Variants in KCNQ3 observed in about 807,000 individuals in gnomAD.
The protein encoded by KCNQ3 is potassium voltage-gated channel subfamily KQT member 3.
In KCNQ3, 30 loss-of-function variants were observed where a neutral mutation model predicts 92.5. The observed-to-expected ratio is 0.32, with a 90% CI of 0.24 to 0.44. The LOEUF (loss-of-function observed/expected upper bound fraction) is 0.44, where lower values mean the gene tolerates loss of function less well. Ranked by LOEUF, KCNQ3 falls within the 20% of genes least tolerant of loss-of-function variation. The probability of loss-of-function intolerance (pLI) is 1.00; values close to 1 mark genes in which losing one functional copy is unlikely to be tolerated. For missense variants in KCNQ3, 913 were observed against 1,140.3 expected (o/e 0.80, Z 2.87); for synonymous variants, 450 against 468.8 (o/e 0.96, Z 0.52).
intron 9 of KCNQ3, among the ~76,000 whole-genome samples, chr8:132,154,208 T>TTTTTTTTTTTTG (rs1825734348): frequency 2.8e-5 from 4 of 142,240 alleles, no homozygotes; most frequent in African/African-American, 8.0e-5. Flanking sequence ...TTTTTTTTTT[T>TTTTTTTTTTTTG]TTTTTTTTTT....
intron 1 of KCNQ3, among the ~76,000 whole-genome samples, chr8:132,296,548 C>G (rs1817030010): frequency 6.6e-6 from 1 of 151,806 alleles, no homozygotes; most frequent in Non-Finnish European, 1.5e-5. Flanking sequence ...ACTCCCCCCA[C>G]CCCACAACAG....
At chr8:132,143,467 C>T (rs1461426293) in intron 9 of KCNQ3, among the ~76,000 whole-genome samples, 1 of 152,176 alleles carries the variant, frequency 6.6e-6, no homozygotes, top group Non-Finnish European at 1.5e-5. Context: ...GCACATTTCC[C>T]TGCTCAGAAC....
chr8:132,172,837 G>A lies in KCNQ3; in HGVS notation c.1045-144C>T, dbSNP rs193057578. 890 of 695,068 alleles carry A rather than the reference G, an allele frequency of 1.3e-3. 6 individuals carry two copies. In the African/African-American group the frequency reaches 0.013, roughly 10 times the overall value. 43.1% of individuals were successfully genotyped at this position (695,068 alleles called of 1,614,324 possible). ...AACACTGTACAAAGAAGGGAAGGGG[G>A]AAAGAGCCCTTCCTTCTCTTGAAGA... On this transcript the variant is annotated intron_variant, in intron 6 of 14. Transcript: ENST00000388996.
intron 14 of KCNQ3, 109 bp from the exon 15 acceptor site, chr8:132,130,105 C>G: frequency 8.5e-7 from 1 of 1,172,360 alleles, no homozygotes; most frequent in African/African-American, 1.9e-5. Flanking sequence ...TTTTTTGAGA[C>G]GAAGTCTCAG....
chr8:132,179,063 T>C (rs1826663263), intron 4 of KCNQ3, among the ~76,000 whole-genome samples: 2 of 149,126 alleles, frequency 1.3e-5, no homozygotes, highest in African/African-American at 5.0e-5. Context: ...AGAACATCCA[T>C]CCCAGGGATT....
chr8:132,129,169 T>G lies in KCNQ3; in HGVS notation c.*93A>C. On this transcript the variant is annotated 3_prime_UTR_variant, in exon 15 of 15. Transcript: ENST00000388996. This position sits in a 1 kb window ranked among gnomAD's most constrained non-coding sequence, Gnocchi z 5.9. Reference sequence around the variant, plus strand: ...CACACGCATGCATTTGATGCAGCCATTGGTGTCCCCGCTGGTAAGCGTCGG... The same window carrying G: ...CACACGCATGCATTTGATGCAGCCAGTGGTGTCCCCGCTGGTAAGCGTCGG... 3.4e-6 allele frequency: 5 copies of G among 1,463,126 alleles called. No individual in the cohort carries two copies. Among genetic ancestry groups the G allele is most frequent in the Non-Finnish European group, 4.7e-6 (5 of 1,068,358 alleles). The allele number at this position is 1,463,126 out of a possible 1,614,324, so 90.6% of individuals were successfully genotyped here.
chr8:132,130,524 C>T (rs985774984), intron 14 of KCNQ3, among the ~76,000 whole-genome samples: 1 of 152,160 alleles, frequency 6.6e-6, no homozygotes, highest in Non-Finnish European at 1.5e-5. Flanking sequence ...TAGAGAAAAC[C>T]TAGGCAAGGT....
intron 1 of KCNQ3, among the ~76,000 whole-genome samples, chr8:132,478,432 C>T (rs1405249145): frequency 6.6e-6 from 1 of 152,222 alleles, no homozygotes; most frequent in Non-Finnish European, 1.5e-5. Context: ...TGACTGTGTG[C>T]ACTCAACGAA....
chr8:132,347,795 G>T (rs1021688910), intron 1 of KCNQ3, among the ~76,000 whole-genome samples: 3 of 151,792 alleles, frequency 2.0e-5, no homozygotes, highest in African/African-American at 7.3e-5. Context: ...GGCTAACACA[G>T]TGAAACCCCG....
intron 1 of KCNQ3, among the ~76,000 whole-genome samples, chr8:132,414,949 C>A (rs1586999455): frequency 6.6e-6 from 1 of 152,148 alleles, no homozygotes; most frequent in Non-Finnish European, 1.5e-5. Flanking sequence ...GTTAGGGCTC[C>A]GAGCCCCAGA....
intron 1 of KCNQ3, among the ~76,000 whole-genome samples, chr8:132,195,163 C>T (rs979576474): frequency 4.6e-5 from 7 of 152,224 alleles, no homozygotes; most frequent in Non-Finnish European, 8.8e-5. Context: ...CTTTTTCTCT[C>T]TCCAAATATG....
chr8:132,178,812 G>T (rs1826653757), intron 4 of KCNQ3, among the ~76,000 whole-genome samples: 1 of 151,578 alleles, frequency 6.6e-6, no homozygotes, highest in Non-Finnish European at 1.5e-5. Context: ...AAAACTCTAA[G>T]CTCCTTAATG....
chr8:132,275,906 C>T (rs1816313311), intron 1 of KCNQ3, among the ~76,000 whole-genome samples: 1 of 152,160 alleles, frequency 6.6e-6, no homozygotes, highest in African/African-American at 2.4e-5. Context: ...CACTCATTCC[C>T]ACCGGCCTGG....
intron 1 of KCNQ3, among the ~76,000 whole-genome samples, chr8:132,461,973 T>C (rs556802462): frequency 2.6e-4 from 40 of 152,288 alleles, no homozygotes; most frequent in African/African-American, 9.1e-4. Flanking sequence ...GTGGCTTGTC[T>C]TTTCATTGTC....
intron 1 of KCNQ3, among the ~76,000 whole-genome samples, chr8:132,429,861 CAAAAA>C (rs374921143): frequency 1.6e-5 from 1 of 64,102 alleles, no homozygotes; most frequent in African/African-American, 5.8e-5. Context: ...AACTCCTTCT[CAAAAA>C]AAAAAAAAAA....
intron 1 of KCNQ3, among the ~76,000 whole-genome samples, chr8:132,272,048 T>C (rs2130501290): frequency 6.6e-6 from 1 of 152,344 alleles, no homozygotes; most frequent in East Asian, 1.9e-4. Context: ...AGAAAGTGGC[T>C]ACAGACATGC....
chr8:132,132,309 T>C, intron 13 of KCNQ3, 45 bp from the exon 14 acceptor site: 1 of 1,505,650 alleles, frequency 6.6e-7, no homozygotes, highest in Middle Eastern at 1.7e-4. Flanking sequence ...TATCTATTTT[T>C]GCTATGCAAG....
At chr8:132,230,389 C>T (rs898071444) in intron 1 of KCNQ3, among the ~76,000 whole-genome samples, 21 of 151,682 alleles carry the variant, frequency 1.4e-4, no homozygotes, top group Admixed American at 3.3e-4. Flanking sequence ...ATTTTCCCAG[C>T]CTGTCACTGC....
intron 4 of KCNQ3, among the ~76,000 whole-genome samples, chr8:132,177,700 G>A (rs1215998705): frequency 2.6e-5 from 4 of 152,194 alleles, no homozygotes; most frequent in Non-Finnish European, 5.9e-5. Context: ...TTAACCCTGT[G>A]CAACAGAGCC....
Sources: gnomAD v4.1 joint callset for allele counts (sites outside exome capture counted in the v4.1 genomes callset) on GRCh38, gnomAD v4.1.1 for gene constraint, Gnocchi (gnomAD v3.1) non-coding constraint, MANE v1.5 for transcripts, NCBI Gene and HGNC (gene_info 2026-07-23, HGNC 2026-07-21) for gene names.